Variants in CTPS1 observed in about 807,000 individuals in gnomAD.
CTPS1 encodes the protein CTP synthase 1.
A neutral mutation model predicts 80.5 loss-of-function variants in CTPS1; 25 were observed. That is an observed-to-expected ratio of 0.31 (90% CI 0.23 to 0.43). The LOEUF is 0.43. Ranked by LOEUF, CTPS1 falls within the 20% of genes least tolerant of loss-of-function variation. The pLI is 1.00. For missense variants in CTPS1, 442 were observed against 725.7 expected, an observed-to-expected ratio of 0.61 and a Z score of 4.49; for synonymous variants, 267 against 252.5, an observed-to-expected ratio of 1.06 and a Z score of -0.54.
chr1:41,006,601 A>G (rs1053063946), intron 13 of CTPS1, among the ~76,000 whole-genome samples: 1 of 152,228 alleles, frequency 6.6e-6, no homozygotes, highest in Non-Finnish European at 1.5e-5. Context: ...TGCCGAGGGC[A>G]TGTGGCATTC....
At position 40,979,710 on chromosome 1, in the gene CTPS1, C is replaced by T. The variant is rs1651760810; in HGVS notation, c.-133C>T. On this transcript the variant is annotated 5_prime_UTR_variant, in exon 1 of 19. Transcript: ENST00000650070. Reference sequence around the variant, plus strand: ...CCTCTGCGTGCGCACAGCCTAGAGCCCGCCTCCGTGAAAGACTGCCGGGCG... The same window carrying T: ...CCTCTGCGTGCGCACAGCCTAGAGCTCGCCTCCGTGAAAGACTGCCGGGCG... The T allele has an allele frequency of 6.6e-6, 1 of 152,406 alleles. No individual in the cohort carries two copies. Among genetic ancestry groups the T allele is most frequent in the South Asian group, 2.1e-4 (1 of 4,860 alleles). The allele number at this position is 152,406 out of a possible 1,614,324, so 9.4% of individuals were successfully genotyped here.
chr1:40,987,355 T>C lies in CTPS1; in HGVS notation c.338-17T>C. The C allele has an allele frequency of 1.3e-6, 2 of 1,588,860 alleles. No homozygotes were observed. Among genetic ancestry groups the C allele is most frequent in the East Asian group, 2.2e-5 (1 of 44,770 alleles). On this transcript the variant is annotated splice_polypyrimidine_tract_variant and intron_variant, in intron 3 of 18. Coordinates refer to ENST00000650070, the MANE Select transcript of CTPS1 (RefSeq NM_001905.4). Reference sequence around the variant, plus strand: ...GATGGACAAGCGTAAGTTCCCTGTTTGTTTTCTTTTTCCCAGTTGTCCCTC... The same window carrying C: ...GATGGACAAGCGTAAGTTCCCTGTTCGTTTTCTTTTTCCCAGTTGTCCCTC...
At chr1:41,011,555 A>G (rs796961715) in intron 18 of CTPS1, 103 bp from the exon 19 acceptor site, 11 of 152,320 alleles carry the variant, frequency 7.2e-5, no homozygotes, top group African/African-American at 2.2e-4. Flanking sequence ...CTGCTCTGCC[A>G]TGAAAAACAG....
intron 10 of CTPS1, 42 bp downstream of exon 10, chr1:41,001,159 GTTTGTTT>G: frequency 6.7e-7 from 1 of 1,483,428 alleles, no homozygotes; most frequent in Non-Finnish European, 9.2e-7. Context: ...AGTTCTTTTG[GTTTGTTT>G]TAATGAAAAA....
chr1:41,002,497 T>C (rs150974022), intron 11 of CTPS1, among the ~76,000 whole-genome samples: 1 of 152,326 alleles, frequency 6.6e-6, no homozygotes, highest in African/African-American at 2.4e-5. Context: ...TGAATTCCTG[T>C]CCATTTAATG....
chr1:40,988,599 T>G lies in CTPS1; in HGVS notation c.444T>G (p.Gly148=). 1 of 1,613,102 alleles carries G rather than the reference T, an allele frequency of 6.2e-7. No individual in the cohort carries two copies. Among genetic ancestry groups the G allele is most frequent in the East Asian group, 2.2e-5 (1 of 44,874 alleles). The change falls in exon 5 of 19, where the codon GGT becomes GGG. Residue 148 remains glycine (G), a synonymous_variant. Transcript: ENST00000650070. ...AAACAACTTTGTTCTTCTAGCTTGGTGGAACCGTGGGGGACATAGAAAGCA... is the reference window on the plus strand; with the variant it reads ...AAACAACTTTGTTCTTCTAGCTTGGGGGAACCGTGGGGGACATAGAAAGCA... ...LEPQVCVIEL[G]GTVGDIESMP...
At chr1:41,008,998 A>C in intron 16 of CTPS1, 108 bp downstream of exon 16, 1 of 891,212 alleles carries the variant, frequency 1.1e-6, no homozygotes. Context: ...CAGAATTAGG[A>C]AGCAGCACTG....
Position 40,996,077 on chromosome 1 carries a change from G to A in CTPS1, c.872+9G>A. ...AAAGAGATGGCTGACAGGTTTGCCT[G>A]CAATGAGGAGCTGGGAGTGCTAGCC... On this transcript the variant is annotated intron_variant, in intron 8 of 18. Coordinates refer to ENST00000650070, the MANE Select transcript of CTPS1 (RefSeq NM_001905.4). The A allele has an allele frequency of 6.2e-7, 1 of 1,614,006 alleles. No individual in the cohort carries two copies. The highest frequency in any genetic ancestry group is 8.5e-7 in the Non-Finnish European group (1 of 1,179,924).
rs1642983506 is a variant in CTPS1 at position 41,004,497 on chromosome 1, C to T, written c.1252+1321C>T. ...ATCCTTCACAGCCCCAGACCTCTGC[C>T]TCTCACTTAGGTTCCCAAATGGGTA... On this transcript the variant is annotated intron_variant, in intron 12 of 18. Coordinates refer to ENST00000650070, the MANE Select transcript of CTPS1 (RefSeq NM_001905.4). Among the ~76,000 whole-genome samples, 3 of 152,288 alleles carry T rather than the reference C, an allele frequency of 2.0e-5. No homozygotes were observed. The South Asian group carries it at 6.2e-4, about 32-fold the overall frequency.
intron 3 of CTPS1, among the ~76,000 whole-genome samples, chr1:40,986,553 G>A (rs1470058041): frequency 6.6e-6 from 1 of 152,210 alleles, no homozygotes; most frequent in African/African-American, 2.4e-5. Flanking sequence ...CGCCATGTGT[G>A]GAGTAGATAA....
chr1:40,997,426 C>T lies in CTPS1; in HGVS notation c.905C>T (p.Ala302Val). Residue 302 changes from alanine to valine, a missense_variant, in exon 9 of 19, where the codon GCC becomes GTC. Physicochemically the swap from Ala to Val is moderately conservative, Grantham distance 64. Around this residue, in one of 4 missense-constraint regions of CTPS1, gnomAD observed 321 missense variants for 467.2 expected, o/e 0.69. Coordinates refer to ENST00000650070, the MANE Select transcript of CTPS1 (RefSeq NM_001905.4). ...CGCTTGCTGGAGACCTGCTCTATTG[C>T]CCTTGTGGGCAAATACACGAAGTTC... ...YDRLLETCSI[A>V]LVGKYTKFSD... The T allele has an allele frequency of 6.2e-7, 1 of 1,614,052 alleles. No individual in the cohort carries two copies. Among genetic ancestry groups the T allele is most frequent in the Non-Finnish European group, 8.5e-7 (1 of 1,179,984 alleles).
chr1:41,002,337 G>T (rs933280477), intron 11 of CTPS1, 83 bp downstream of exon 11: 17 of 1,092,338 alleles, frequency 1.6e-5, no homozygotes, highest in African/African-American at 3.1e-5. Flanking sequence ...TGAACAAAGT[G>T]GGGGGATTAC....
chr1:41,006,121 G>A, intron 13 of CTPS1, 27 bp downstream of exon 13: 2 of 1,585,548 alleles, frequency 1.3e-6, no homozygotes, highest in Non-Finnish European at 8.7e-7. Flanking sequence ...AACCTCCACA[G>A]GGCTTAGAAG....
At chr1:41,006,513 A>G (rs1643038496) in intron 13 of CTPS1, among the ~76,000 whole-genome samples, 1 of 152,172 alleles carries the variant, frequency 6.6e-6, no homozygotes, top group African/African-American at 2.4e-5. Context: ...GTCCTGGGAG[A>G]ACTGCTGGGT....
At chr1:40,998,643 G>A (rs1322864947) in intron 9 of CTPS1, among the ~76,000 whole-genome samples, 2 of 152,254 alleles carry the variant, frequency 1.3e-5, no homozygotes, top group South Asian at 2.1e-4. Context: ...GTCAGCTGTC[G>A]TTAAACCCTC....
intron 3 of CTPS1, among the ~76,000 whole-genome samples, chr1:40,985,530 TACAA>T (rs748242716): frequency 3.3e-5 from 5 of 152,176 alleles, no homozygotes; most frequent in African/African-American, 7.2e-5. Flanking sequence ...TGGGGTTTTG[TACAA>T]ACATTCATTT....
chr1:40,985,317 T>C (rs1263278945), intron 3 of CTPS1, among the ~76,000 whole-genome samples: 1 of 152,232 alleles, frequency 6.6e-6, no homozygotes, highest in Non-Finnish European at 1.5e-5. Context: ...GCAACTCGAT[T>C]AGGGCATTAA....
intron 5 of CTPS1, among the ~76,000 whole-genome samples, chr1:40,990,837 C>T (rs1269564562): frequency 8.5e-5 from 13 of 152,126 alleles, no homozygotes; most frequent in Non-Finnish European, 1.8e-4. Flanking sequence ...GGGCAGGATC[C>T]TCATTTAACA....
At chr1:40,997,755 A>T (rs1049936678) in intron 9 of CTPS1, among the ~76,000 whole-genome samples, 4 of 152,060 alleles carry the variant, frequency 2.6e-5, no homozygotes, top group Admixed American at 1.3e-4. Context: ...GGTGAGAGAG[A>T]CTTGAGTTCT....
Sources: gnomAD v4.1 joint callset for allele counts (sites outside exome capture counted in the v4.1 genomes callset) on GRCh38, gnomAD v4.1.1 for gene constraint, gnomAD v4.1.1 regional missense constraint, MANE v1.5 for transcripts, NCBI Gene and HGNC (gene_info 2026-07-23, HGNC 2026-07-21) for gene names.